The following DNAH8 variants were observed in gnomAD, a reference collection of about 807,000 sequenced individuals.
The protein encoded by DNAH8 is axonemal beta dynein heavy chain 8.
A neutral mutation model predicts 562.1 loss-of-function variants in DNAH8; 382 were observed. The ratio of observed to expected loss-of-function variants is 0.68; its 90% CI spans 0.63 to 0.74. DNAH8 has a LOEUF of 0.74. Ranked by LOEUF, DNAH8 falls within the 30% of genes least tolerant of loss-of-function variation. The pLI, the probability that DNAH8 is intolerant of heterozygous loss-of-function variation, is 0.00. For synonymous variants in DNAH8, 1,881 were observed against 1,919.4 expected (o/e 0.98, Z 0.52); for missense variants, 5,203 against 5,620.4 (o/e 0.93, Z 2.37).
Position 38,898,430 on chromosome 6 carries a change from C to T in DNAH8, c.9063+50C>T, listed in dbSNP as rs201085360. ...ATATAAATAGATGATTTAAAAGCTT[C>T]GTATATTTCATAGATAAATTTTTTG... On this transcript the variant is annotated intron_variant, in intron 61 of 92. Transcript: ENST00000327475. 1.5e-3 allele frequency: 2,224 copies of T among 1,440,862 alleles called. 45 individuals carry two copies. The South Asian group carries it at 0.031, about 20-fold the overall frequency. The allele number at this position is 1,440,862 out of a possible 1,614,324, so 89.3% of individuals were successfully genotyped here. A position where few individuals can be genotyped will look rare whatever the true frequency, so the allele number is the denominator to read the frequency against.
chr6:38,803,869 G>A (rs1771014459), intron 22 of DNAH8, among the ~76,000 whole-genome samples: 1 of 151,846 alleles, frequency 6.6e-6, no homozygotes, highest in Non-Finnish European at 1.5e-5. Flanking sequence ...CAGTTGAAGA[G>A]TGCACTCTCA....
Position 38,781,424 on chromosome 6 carries a change from ACAAATATATCATAT to A in DNAH8, c.2259+53_2259+66del, listed in dbSNP as rs138749107. The stretch of plus-strand genomic sequence containing the variant: ...TGTGGATTTTGGTGGTTTTAATATA[ACAAATATATCATAT>A]CCTATAATATTTGTGTGCATTAAAG... On this transcript the variant is annotated intron_variant, in intron 16 of 92. Transcript: ENST00000327475. 0.14 allele frequency: 228,442 copies of A among 1,594,112 alleles called. 18,293 individuals are homozygous for A. The highest frequency in any genetic ancestry group is 0.26 in the Admixed American group (15,126 of 59,006).
intron 63 of DNAH8, among the ~76,000 whole-genome samples, chr6:38,907,667 C>T (rs1322031665): frequency 6.6e-6 from 1 of 152,152 alleles, no homozygotes; most frequent in South Asian, 2.1e-4. Context: ...AGTCAAAGTA[C>T]AGAGGGCACC....
rs768634250 is a variant in DNAH8, at chr6:38,862,265, G to C, written c.6132-15G>C. The C allele has an allele frequency of 4.7e-5, 75 of 1,606,538 alleles. No homozygotes were observed. The highest frequency in any genetic ancestry group is 6.0e-5 in the Non-Finnish European group (71 of 1,176,630). ...ATCCCATACTCACAATGCTTTATTG[G>C]ATGAACATTTGCAGATGCTATATCA... On this transcript the variant is annotated splice_polypyrimidine_tract_variant and intron_variant, in intron 43 of 92. Transcript: ENST00000327475.
rs1410082360 is a variant in DNAH8, at chr6:38,746,143, ATGT to A, written c.1293+4260_1293+4262del. ...TTAATCAGAATTCTTATGTAAGAAA[ATGT>A]TGTCTCTTCTCTCACTGTAGTTATG... On this transcript the variant is annotated intron_variant, in intron 8 of 92. Coordinates refer to ENST00000327475, the MANE Select transcript of DNAH8 (RefSeq NM_001206927.2). 2.6e-5 allele frequency among the ~76,000 whole-genome samples: 4 copies of A among 152,308 alleles called. No homozygotes were observed. In the East Asian group the frequency reaches 7.7e-4, roughly 29 times the overall value.
chr6:38,876,741 G>T (rs958938542), intron 53 of DNAH8, among the ~76,000 whole-genome samples: 1 of 152,204 alleles, frequency 6.6e-6, no homozygotes, highest in Non-Finnish European at 1.5e-5. Flanking sequence ...CCTGCTGCCA[G>T]ACAATCGGCC....
chr6:38,722,702 C>T, intron 1 of DNAH8, 74 bp from the exon 2 acceptor site: 2 of 1,244,312 alleles, frequency 1.6e-6, no homozygotes, highest in Non-Finnish European at 2.2e-6. Context: ...ACTTGTCTAG[C>T]TAAAAGGGGA....
chr6:38,741,964 A>G (rs1764551745), intron 8 of DNAH8, 77 bp downstream of exon 8: 1 of 1,226,134 alleles, frequency 8.2e-7, no homozygotes, highest in Non-Finnish European at 1.1e-6. Context: ...ACTACTTCTT[A>G]GTATAATATA....
chr6:38,811,607 A>C (rs1242155308), intron 24 of DNAH8, among the ~76,000 whole-genome samples: 1 of 152,142 alleles, frequency 6.6e-6, no homozygotes, highest in Non-Finnish European at 1.5e-5. Context: ...AAGAGTCTTC[A>C]TATATCACTG....
chr6:38,931,074 G>T (rs546936403), intron 75 of DNAH8, among the ~76,000 whole-genome samples: 1 of 152,008 alleles, frequency 6.6e-6, no homozygotes, highest in Non-Finnish European at 1.5e-5. Context: ...CTCTATTCCC[G>T]AAGGTCTTTT....
rs139155514 is a variant in DNAH8 at position 39,030,219 on chromosome 6, A to T, written c.13951A>T (p.Ile4651Phe). Residue 4651 changes from isoleucine (I) to phenylalanine (F), a missense_variant, in exon 93 of 93, where the codon ATC becomes TTC. Transcript: ENST00000327475. ...VLFTQLPVLH[I>F]FAINSTAPKD... Reference sequence around the variant, plus strand: ...CTTCACGCAGTTACCCGTGCTCCACATCTTTGCCATTAACTCCACGGCACC... The same window carrying T: ...CTTCACGCAGTTACCCGTGCTCCACTTCTTTGCCATTAACTCCACGGCACC... 3.1e-6 allele frequency: 5 copies of T among 1,614,130 alleles called. No homozygotes were observed. Among genetic ancestry groups the T allele is most frequent in the Non-Finnish European group, 4.2e-6 (5 of 1,180,014 alleles).
chr6:38,872,766 A>T lies in DNAH8; in HGVS notation c.7221A>T (p.Thr2407=). 6.2e-7 allele frequency: 1 copy of T among 1,614,164 alleles called. No individual in the cohort carries two copies. Among genetic ancestry groups the T allele is most frequent in the Non-Finnish European group, 8.5e-7 (1 of 1,180,002 alleles). Reference sequence around the variant, plus strand: ...TTTTTTCTACTCTGTGGAGAAAAACATTAAAAGCTAAAAAAGGTATACACA... The same window carrying T: ...TTTTTTCTACTCTGTGGAGAAAAACTTTAAAAGCTAAAAAAGGTATACACA... ...DGIFSTLWRK[T]LKAKKGENIF... is the part of the protein sequence containing the mutation. Residue 2407 remains threonine, a synonymous_variant, in exon 50 of 93, where the codon ACA becomes ACT. Coordinates refer to ENST00000327475, the MANE Select transcript of DNAH8 (RefSeq NM_001206927.2).
chr6:38,857,666 T>G lies in DNAH8; in HGVS notation c.5882T>G (p.Leu1961Arg), dbSNP rs762096087. The change falls in exon 42 of 93, where the codon CTA (leucine) becomes CGA (arginine). Residue 1961 changes from leucine (L) to arginine (R), a missense_variant. By Grantham distance (102) the Leu-to-Arg change is moderately radical. Transcript: ENST00000327475. ...NTLISQTTHDLSKFDRVKFET... is the reference protein window; with the variant it reads ...NTLISQTTHDRSKFDRVKFET... Reference sequence around the variant, plus strand: ...CTCATTAGTCAGACAACACATGATCTAAGCAAGTTTGATAGAGTGAAGTTC... The same window carrying G: ...CTCATTAGTCAGACAACACATGATCGAAGCAAGTTTGATAGAGTGAAGTTC... 6.2e-7 allele frequency: 1 copy of G among 1,613,888 alleles called. No homozygotes were observed. Among genetic ancestry groups the G allele is most frequent in the Non-Finnish European group, 8.5e-7 (1 of 1,179,816 alleles).
rs779501652 is a variant in DNAH8 at position 38,850,334 on chromosome 6, C to T, written c.5283C>T (p.Cys1761=). Residue 1761 remains cysteine (C), a synonymous_variant, in exon 38 of 93, where the codon TGC becomes TGT. Coordinates refer to ENST00000327475, the MANE Select transcript of DNAH8 (RefSeq NM_001206927.2). The part of the protein sequence containing the change: ...RAHENPNVIN[C]CVGDETMGQL... ...ATGAGAATCCCAATGTGATTAATTG[C>T]TGTGTTGGAGATGAAACCATGGGAC... 2.7e-5 allele frequency: 43 copies of T among 1,613,492 alleles called. No individual in the cohort carries two copies. Among genetic ancestry groups the T allele is most frequent in the Non-Finnish European group, 3.4e-5 (40 of 1,179,518 alleles).
rs761510899 is a variant in DNAH8 at position 39,008,953 on chromosome 6, G to C, written c.13354G>C (p.Asp4452His). The C allele has an allele frequency of 6.2e-7, 1 of 1,610,344 alleles. No individual in the cohort carries two copies. The highest frequency in any genetic ancestry group is 2.2e-5 in the East Asian group (1 of 44,818). Residue 4452 changes from aspartate to histidine, a missense_variant, in exon 89 of 93, where the codon GAT (aspartate) becomes CAT (histidine). Physicochemically the swap from Asp to His is moderately conservative, Grantham distance 81 (BLOSUM62 -1). Coordinates refer to ENST00000327475, the MANE Select transcript of DNAH8 (RefSeq NM_001206927.2). ...SEDMLSKLPP[D>H]YIPHEVKSRL... ...AGATATGCTGAGTAAACTCCCTCCT[G>C]ATTACATTCCTCATGAGGTAAGTCT...
At chr6:38,886,060 C>G (rs1418796686) in intron 56 of DNAH8, among the ~76,000 whole-genome samples, 2 of 152,074 alleles carry the variant, frequency 1.3e-5, no homozygotes, top group Non-Finnish European at 2.9e-5. Flanking sequence ...CTTGAATATA[C>G]AGGTGTAGAG....
At chr6:38,862,906 A>G (rs1002686089) in intron 44 of DNAH8, among the ~76,000 whole-genome samples, 4 of 152,198 alleles carry the variant, frequency 2.6e-5, no homozygotes, top group South Asian at 2.1e-4. Flanking sequence ...GGACAGAGAA[A>G]AAAATATTTG....
At chr6:38,726,974 C>G (rs72858204) in intron 3 of DNAH8, among the ~76,000 whole-genome samples, 27,505 of 148,650 alleles carry the variant, frequency 0.19, 2,935 homozygotes, top group Non-Finnish European at 0.25. Context: ...TCTCCTGCTT[C>G]AGCCTCCTGA....
At chr6:38,989,422 G>A (rs796470983) in intron 87 of DNAH8, among the ~76,000 whole-genome samples, 5 of 152,296 alleles carry the variant, frequency 3.3e-5, no homozygotes, top group African/African-American at 7.2e-5. Context: ...GAATAAGAAA[G>A]GGATGTCTTA....
Sources: allele counts gnomAD v4.1 joint callset (sites outside exome capture counted in the v4.1 genomes callset), GRCh38; gene constraint gnomAD v4.1.1; transcripts MANE v1.5; gene names NCBI Gene and HGNC (gene_info 2026-07-23, HGNC 2026-07-21).